The following ANKRD36 variants were observed in gnomAD, a reference collection of about 807,000 sequenced individuals.
The protein encoded by ANKRD36 is ankyrin repeat domain-containing protein 36A.
ANKRD36 carries 179 observed loss-of-function variants against 278.1 expected under a neutral mutation model. That is an observed-to-expected ratio of 0.64 (90% confidence interval 0.57 to 0.73). ANKRD36 has a LOEUF of 0.73. Ranked by LOEUF, ANKRD36 falls within the 30% of genes least tolerant of loss-of-function variation. ANKRD36 has a pLI of 0.00. For missense variants in ANKRD36, 1,159 were observed against 1,956.7 expected (o/e 0.59, Z 7.69); for synonymous variants, 320 against 641.1 (o/e 0.50, Z 7.57).
At chr2:97,222,449 G>A (rs1477037703) in intron 66 of ANKRD36, among the ~76,000 whole-genome samples, 1 of 152,086 alleles carries the variant, frequency 6.6e-6, no homozygotes, top group Non-Finnish European at 1.5e-5. Context: ...CACCAATGGT[G>A]TAGGAGGGTT....
Position 97,162,685 on chromosome 2 carries a change from G to A in ANKRD36, c.1429+547G>A, listed in dbSNP as rs2049269663. On this transcript the variant is annotated intron_variant, in intron 18 of 75. Coordinates refer to ENST00000420699, the MANE Select transcript of ANKRD36 (RefSeq NM_001354587.1). ...TACTGGAAGCAGAGGGTAGAAAAACGACAGGAAACCACAGGAACTCATTTC... is the reference window on the plus strand; with the variant it reads ...TACTGGAAGCAGAGGGTAGAAAAACAACAGGAAACCACAGGAACTCATTTC... Among the ~76,000 whole-genome samples the A allele has an allele frequency of 2.1e-5, 3 of 145,568 alleles. No homozygotes were observed. In the Admixed American group the frequency reaches 2.1e-4, roughly 10 times the overall value.
chr2:97,201,567 G>A (rs887361637), intron 46 of ANKRD36, among the ~76,000 whole-genome samples: 2 of 151,938 alleles, frequency 1.3e-5, no homozygotes, highest in African/African-American at 4.8e-5. Flanking sequence ...GAAACTTTTG[G>A]AAGTCTAAAC....
At chr2:97,227,209 C>T (rs2070084114) in intron 67 of ANKRD36, among the ~76,000 whole-genome samples, 1 of 152,066 alleles carries the variant, frequency 6.6e-6, no homozygotes, top group Non-Finnish European at 1.5e-5. Context: ...CTATAAATTA[C>T]CTTGGGCAGT....
At chr2:97,222,254 C>T (rs1245231703) in intron 66 of ANKRD36, among the ~76,000 whole-genome samples, 71 of 151,992 alleles carry the variant, frequency 4.7e-4, no homozygotes, top group African/African-American at 1.5e-3. Flanking sequence ...ATTGACTTGG[C>T]GATGCGGGCT....
intron 67 of ANKRD36, among the ~76,000 whole-genome samples, chr2:97,229,320 C>A (rs2071074999): frequency 6.6e-6 from 1 of 151,578 alleles, no homozygotes; most frequent in Non-Finnish European, 1.5e-5. Context: ...TCTGGGTGCT[C>A]CTGTATTGGG....
chr2:97,212,162 A>G (rs1175916386), intron 58 of ANKRD36, among the ~76,000 whole-genome samples: 3 of 151,924 alleles, frequency 2.0e-5, no homozygotes, highest in Admixed American at 2.0e-4. Flanking sequence ...GAGAACTAGC[A>G]AGAGCAGTGA....
intron 6 of ANKRD36, among the ~76,000 whole-genome samples, chr2:97,130,451 T>C (rs1377154075): frequency 5.2e-5 from 2 of 38,246 alleles, no homozygotes; most frequent in Non-Finnish European, 9.7e-5. Context: ...TGTTGTGGGG[T>C]GGGGGGAGGG....
Position 97,113,699 on chromosome 2 carries a change from G to T in ANKRD36, c.-41G>T. 3 of 1,610,846 alleles carry T rather than the reference G, an allele frequency of 1.9e-6. No homozygotes were observed. Among genetic ancestry groups the T allele is most frequent in the Non-Finnish European group, 2.5e-6 (3 of 1,179,404 alleles). Reference sequence around the variant, plus strand: ...CGGAGGCGGCGATCCCCGAAGGCGAGCTGAAATACGGCTGCAGGCTACAAT... The same window carrying T: ...CGGAGGCGGCGATCCCCGAAGGCGATCTGAAATACGGCTGCAGGCTACAAT... On this transcript the variant is annotated 5_prime_UTR_variant, in exon 1 of 76. Transcript: ENST00000420699.
chr2:97,131,551 A>G (rs534494447), intron 6 of ANKRD36, among the ~76,000 whole-genome samples: 13 of 152,120 alleles, frequency 8.5e-5, no homozygotes, highest in Admixed American at 2.6e-4. Flanking sequence ...GCCCTTAATA[A>G]GAAAAACCCA....
At chr2:97,129,118 C>T (rs1238533991) in intron 6 of ANKRD36, among the ~76,000 whole-genome samples, 2 of 152,092 alleles carry the variant, frequency 1.3e-5, no homozygotes, top group African/African-American at 4.8e-5. Context: ...TTCTCCACAT[C>T]CTCTCCAGCA....
At chr2:97,194,111 C>G (rs746820549) in intron 38 of ANKRD36, among the ~76,000 whole-genome samples, 9 of 151,480 alleles carry the variant, frequency 5.9e-5, no homozygotes, top group Non-Finnish European at 1.0e-4. Context: ...CTAGTGGATA[C>G]AAGAAAATTA....
Position 97,127,138 on chromosome 2 carries a change from A to C in ANKRD36, c.799+4A>C. Reference sequence around the variant, plus strand: ...CTTCCTATAAATAGCAATCCAGGTAAGATTTCTGATAGTGAATTACTCTTG... The same window carrying C: ...CTTCCTATAAATAGCAATCCAGGTACGATTTCTGATAGTGAATTACTCTTG... On this transcript the variant is annotated splice_donor_region_variant and intron_variant, in intron 6 of 75. Coordinates refer to ENST00000420699, the MANE Select transcript of ANKRD36 (RefSeq NM_001354587.1). 1 of 1,247,744 alleles carries C rather than the reference A, an allele frequency of 8.0e-7. No individual in the cohort carries two copies. Among genetic ancestry groups the C allele is most frequent in the South Asian group, 1.5e-5 (1 of 65,130 alleles). The allele number at this position is 1,247,744 out of a possible 1,614,324, so 77.3% of individuals were successfully genotyped here. A position where few individuals can be genotyped will look rare whatever the true frequency, so the allele number is the denominator to read the frequency against.
chr2:97,121,571 G>A (rs1257089389), intron 3 of ANKRD36, among the ~76,000 whole-genome samples: 28 of 152,086 alleles, frequency 1.8e-4, no homozygotes, highest in African/African-American at 6.5e-4. Context: ...GCTTGAATCC[G>A]GGAGGCGGAG....
At chr2:97,156,975 T>C (rs2047618075) in intron 15 of ANKRD36, among the ~76,000 whole-genome samples, 1 of 152,022 alleles carries the variant, frequency 6.6e-6, no homozygotes. Flanking sequence ...TGGCCAGTGA[T>C]GGTGAGCGTT....
chr2:97,161,380 A>G (rs2048835566), intron 17 of ANKRD36, among the ~76,000 whole-genome samples: 1 of 151,924 alleles, frequency 6.6e-6, no homozygotes, highest in African/African-American at 2.4e-5. Context: ...TGTATTTTCT[A>G]CCTTTAAAAT....
chr2:97,132,412 C>G (rs546384489), intron 6 of ANKRD36, among the ~76,000 whole-genome samples: 16 of 150,892 alleles, frequency 1.1e-4, no homozygotes, highest in Middle Eastern at 6.8e-3. Flanking sequence ...CATCCATATT[C>G]TCAAATTTTT....
chr2:97,130,310 G>A (rs1438663728), intron 6 of ANKRD36, among the ~76,000 whole-genome samples: 1 of 151,890 alleles, frequency 6.6e-6, no homozygotes, highest in Non-Finnish European at 1.5e-5. Flanking sequence ...CATGGATGAA[G>A]CTGGAAAACA....
At chr2:97,197,492 A>G (rs1211855801) in intron 42 of ANKRD36, among the ~76,000 whole-genome samples, 1 of 151,940 alleles carries the variant, frequency 6.6e-6, no homozygotes. Flanking sequence ...GATTTTAGTT[A>G]TAGAAATGAG....
chr2:97,180,181 A>C (rs1374569974), intron 24 of ANKRD36, among the ~76,000 whole-genome samples: 1 of 151,646 alleles, frequency 6.6e-6, no homozygotes, highest in Non-Finnish European at 1.5e-5. Flanking sequence ...GAAGTTCAAC[A>C]CATACCAGGC....
Sources: allele counts gnomAD v4.1 joint callset (sites outside exome capture counted in the v4.1 genomes callset), GRCh38; gene constraint gnomAD v4.1.1; transcripts MANE v1.5; gene names NCBI Gene and HGNC (gene_info 2026-07-23, HGNC 2026-07-21).